Variants in MGAT4C observed in about 807,000 individuals in gnomAD.
The protein encoded by MGAT4C is MGAT4 family member C, also known as alpha-1,3-mannosyl-glycoprotein 4-beta-N-acetylglucosaminyltransferase C.
A neutral mutation model predicts 40.1 loss-of-function variants in MGAT4C; 19 were observed. The observed-to-expected ratio is 0.47, with a 90% CI of 0.33 to 0.70. MGAT4C has a LOEUF of 0.70. Among genes scored for constraint, MGAT4C ranks in the 30% least tolerant of loss-of-function variants. The pLI is 0.02. For missense variants in MGAT4C, 491 were observed against 563.2 expected (o/e 0.87, Z 1.30); for synonymous variants, 181 against 187.1 (o/e 0.97, Z 0.27).
intron 4 of MGAT4C, among the ~76,000 whole-genome samples, chr12:86,297,826 G>A (rs1183270512): frequency 6.6e-6 from 1 of 152,090 alleles, no homozygotes; most frequent in African/African-American, 2.4e-5. Flanking sequence ...ATACAAGCAT[G>A]TTACCAACAT....
intron 1 of MGAT4C, among the ~76,000 whole-genome samples, chr12:86,736,320 G>C (rs1565955867): frequency 6.6e-6 from 1 of 151,702 alleles, no homozygotes; most frequent in East Asian, 2.0e-4. Context: ...ATCCCTCTTA[G>C]AACCCAGCTC....
At chr12:86,552,798 G>A (rs1382394595) in intron 2 of MGAT4C, among the ~76,000 whole-genome samples, 1 of 152,114 alleles carries the variant, frequency 6.6e-6, no homozygotes, top group African/African-American at 2.4e-5. Context: ...TAACTCTTGT[G>A]AAGTAAATTG....
intron 2 of MGAT4C, among the ~76,000 whole-genome samples, chr12:86,493,370 C>A (rs1293006779): frequency 2.0e-5 from 3 of 151,972 alleles, no homozygotes; most frequent in African/African-American, 7.3e-5. Context: ...CGGCACTATT[C>A]ACAATAGCAA....
At chr12:86,110,145 A>T (rs1876972617) in intron 1 of MGAT4C, among the ~76,000 whole-genome samples, 1 of 149,272 alleles carries the variant, frequency 6.7e-6, no homozygotes, top group Non-Finnish European at 1.5e-5. Flanking sequence ...AGATCAAGCA[A>T]GATCTTTTAC....
chr12:86,043,061 T>C (rs1158621620), intron 2 of MGAT4C, among the ~76,000 whole-genome samples: 1 of 152,224 alleles, frequency 6.6e-6, no homozygotes, highest in East Asian at 1.9e-4. Context: ...TTGGGGATGG[T>C]CATCTTATGT....
At chr12:86,076,507 T>A in intron 1 of MGAT4C, among the ~76,000 whole-genome samples, 1 of 152,172 alleles carries the variant, frequency 6.6e-6, no homozygotes, top group Non-Finnish European at 1.5e-5. Flanking sequence ...TGTATTAGTT[T>A]GTTTCATGCT....
At chr12:86,105,848 A>C (rs1565989097) in intron 1 of MGAT4C, among the ~76,000 whole-genome samples, 1 of 152,214 alleles carries the variant, frequency 6.6e-6, no homozygotes, top group South Asian at 2.1e-4. Context: ...TGCCCCAAAC[A>C]GTTAAACGCA....
intron 1 of MGAT4C, among the ~76,000 whole-genome samples, chr12:86,828,271 T>C (rs1165893516): frequency 6.6e-6 from 1 of 150,900 alleles, no homozygotes; most frequent in South Asian, 2.1e-4. Context: ...ACAAGGAAAA[T>C]AATAAATAAT....
chr12:86,359,685 A>G (rs1464233394), intron 3 of MGAT4C, among the ~76,000 whole-genome samples: 1 of 152,240 alleles, frequency 6.6e-6, no homozygotes, highest in Admixed American at 6.5e-5. Flanking sequence ...AACTACCATC[A>G]GAGAATACTA....
At chr12:86,412,205 CA>C (rs1406998770) in intron 3 of MGAT4C, among the ~76,000 whole-genome samples, 1 of 152,220 alleles carries the variant, frequency 6.6e-6, no homozygotes, top group Non-Finnish European at 1.5e-5. Flanking sequence ...ACAGATTCCC[CA>C]CTGGGGCACT....
chr12:86,192,936 C>G (rs958745209), intron 1 of MGAT4C, among the ~76,000 whole-genome samples: 2 of 152,088 alleles, frequency 1.3e-5, no homozygotes, highest in African/African-American at 4.8e-5. Flanking sequence ...GTGTCATCAT[C>G]TGATATTATT....
chr12:86,512,615 T>G (rs1290763893), intron 2 of MGAT4C, among the ~76,000 whole-genome samples: 1 of 152,046 alleles, frequency 6.6e-6, no homozygotes, highest in Non-Finnish European at 1.5e-5. Flanking sequence ...AACAAGAAAA[T>G]TCTGCAATAT....
chr12:86,705,776 A>G (rs1474663922), intron 2 of MGAT4C, among the ~76,000 whole-genome samples: 1 of 152,150 alleles, frequency 6.6e-6, no homozygotes, highest in Admixed American at 6.5e-5. Context: ...TAGTGTAACA[A>G]ATAATTAATG....
In MGAT4C at chr12:86,420,859, A is replaced by G. The variant is rs1327396414; in HGVS notation, c.-120+14298T>C. ...TACACACATATGTATATACATATATATGTGTATATATATACATACATGTAT... is the reference window on the plus strand; with the variant it reads ...TACACACATATGTATATACATATATGTGTGTATATATATACATACATGTAT... On this transcript the variant is annotated intron_variant, in intron 3 of 7. Coordinates refer to the MGAT4C transcript ENST00000548651. 5.5e-5 allele frequency among the ~76,000 whole-genome samples: 8 copies of G among 146,038 alleles called. No homozygotes were observed. The Admixed American group carries it at 5.5e-4, about 10-fold the overall frequency.
chr12:86,380,800 C>T (rs191710630), intron 3 of MGAT4C, among the ~76,000 whole-genome samples: 1 of 152,102 alleles, frequency 6.6e-6, no homozygotes, highest in East Asian at 1.9e-4. Flanking sequence ...AATCCCAAGC[C>T]CATAATCCCA....
intron 4 of MGAT4C, among the ~76,000 whole-genome samples, chr12:86,263,152 A>G (rs1170428523): frequency 6.6e-6 from 1 of 152,230 alleles, no homozygotes; most frequent in South Asian, 2.1e-4. Flanking sequence ...ATATGGGTCT[A>G]GATTGGAAGA....
At chr12:86,762,572 T>C (rs2136154070) in intron 1 of MGAT4C, among the ~76,000 whole-genome samples, 1 of 152,316 alleles carries the variant, frequency 6.6e-6, no homozygotes, top group South Asian at 2.1e-4. Context: ...CGCATCATTA[T>C]GCTGGTATCT....
intron 2 of MGAT4C, among the ~76,000 whole-genome samples, chr12:86,708,591 A>G (rs7968485): frequency 0.78 from 118,049 of 152,100 alleles, 47,199 homozygotes; most frequent in Middle Eastern, 0.88. Flanking sequence ...ACAGACACTC[A>G]GCGCTAGCCT....
In MGAT4C at chr12:86,777,614, G is replaced by A. The variant is rs554048305; in HGVS notation, c.-261-50373C>T. ...TGGCACAGAGTTTCTCTTATTCAAG[G>A]GTGTTAGTTTTGGAAAACTAGAGAG... On this transcript the variant is annotated intron_variant, in intron 1 of 7. Transcript: ENST00000548651. Among the ~76,000 whole-genome samples the A allele has an allele frequency of 3.9e-5, 6 of 152,222 alleles. No homozygotes were observed. The South Asian group carries it at 1.2e-3, about 32-fold the overall frequency.
Sources: gnomAD v4.1 joint callset for allele counts (sites outside exome capture counted in the v4.1 genomes callset) on GRCh38, gnomAD v4.1.1 for gene constraint, MANE v1.5 for transcripts, NCBI Gene and HGNC (gene_info 2026-07-23, HGNC 2026-07-21) for gene names.